BCAR3: variants seen among roughly 807,000 people sequenced by gnomAD.
BCAR3 encodes the protein BCAR3 adaptor protein, NSP family member.
Under a neutral mutation model 80.1 loss-of-function variants are expected in BCAR3, and 37 were observed. That is an observed-to-expected ratio of 0.46 (90% CI 0.36 to 0.61). BCAR3 has a LOEUF of 0.61. BCAR3 is among the 20% of genes least tolerant of loss of function. BCAR3 has a pLI of 0.00. For synonymous variants in BCAR3, 389 were observed against 418.9 expected (o/e 0.93, Z 0.87); for missense variants, 978 against 1,068.2 (o/e 0.92, Z 1.18).
intron 2 of BCAR3, among the ~76,000 whole-genome samples, chr1:93,790,259 A>T (rs978229607): frequency 6.6e-6 from 1 of 152,128 alleles, no homozygotes; most frequent in African/African-American, 2.4e-5. Flanking sequence ...CATATTATAG[A>T]AAAAAACCCT....
At chr1:93,807,476 G>GA (rs1468141575) in intron 2 of BCAR3, among the ~76,000 whole-genome samples, 2 of 152,180 alleles carry the variant, frequency 1.3e-5, no homozygotes, top group Admixed American at 1.3e-4. Flanking sequence ...AATGGCCTGG[G>GA]AAAAAGTTCC....
At position 93,692,961 on chromosome 1, in the gene BCAR3, C is replaced by T. The variant is rs924785711; in HGVS notation, c.-12+13131G>A. Among the ~76,000 whole-genome samples the T allele has an allele frequency of 2.6e-5, 4 of 152,312 alleles. No individual in the cohort carries two copies. The East Asian group carries it at 7.7e-4, about 29-fold the overall frequency. On this transcript the variant is annotated intron_variant, in intron 3 of 13. Transcript: ENST00000370244. The stretch of plus-strand genomic sequence containing the variant: ...GTCAGGAACCACAGTCAAGCCTCTA[C>T]ATACACTTGAATTTTCCCCATGGCA...
intron 2 of BCAR3, among the ~76,000 whole-genome samples, chr1:93,784,745 C>T (rs951541649): frequency 4.6e-5 from 7 of 152,190 alleles, no homozygotes; most frequent in African/African-American, 9.7e-5. Context: ...AAGGACAAAG[C>T]GAGCATTGTG....
chr1:93,592,610 G>A lies in BCAR3; in HGVS notation c.358-217C>T. ...CACCTGCACATGGGGACTATGGTAG[G>A]AGAGTCCACCAAGAGGTTCCTTTTA... On this transcript the variant is annotated intron_variant, in intron 3 of 11. Transcript: ENST00000260502. The surrounding 1 kb of genome is among the most constrained non-coding windows in gnomAD (Gnocchi z 4.8). 2 of 520,366 alleles carry A rather than the reference G, an allele frequency of 3.8e-6. No individual in the cohort carries two copies. The highest frequency in any genetic ancestry group is 6.6e-6 in the Non-Finnish European group (2 of 304,674). The allele number at this position is 520,366 out of a possible 1,614,324, so 32.2% of individuals were successfully genotyped here.
intron 2 of BCAR3, among the ~76,000 whole-genome samples, chr1:93,781,810 G>A (rs991333872): frequency 1.2e-4 from 18 of 152,134 alleles, no homozygotes; most frequent in African/African-American, 3.9e-4. Flanking sequence ...CCTTCTCCCT[G>A]TTCCCCACTT....
chr1:93,572,232 G>A (rs1486650464), intron 8 of BCAR3, among the ~76,000 whole-genome samples: 3 of 152,150 alleles, frequency 2.0e-5, no homozygotes, highest in African/African-American at 4.8e-5. Flanking sequence ...ATCTCTCCTC[G>A]GGGAATCCCA....
rs566863785 is a variant in BCAR3 at position 93,586,548 on chromosome 1, T to C, written c.930-2427A>G. On this transcript the variant is annotated intron_variant, in intron 5 of 11. Coordinates refer to ENST00000260502, the MANE Select transcript of BCAR3 (RefSeq NM_003567.4). The surrounding 1 kb of genome is among the most constrained non-coding windows in gnomAD (Gnocchi z 4.2). ...CTCTTTGATATACTGATTTCCACTC[T>C]TCTGGGTATATACCCAGCAGTGGGA... Among the ~76,000 whole-genome samples the C allele has an allele frequency of 2.0e-5, 3 of 152,338 alleles. No homozygotes were observed. Among genetic ancestry groups the C allele is most frequent in the African/African-American group, 7.2e-5 (3 of 41,586 alleles).
chr1:93,846,666 G>C (rs571853395), intron 1 of BCAR3, among the ~76,000 whole-genome samples: 2 of 152,100 alleles, frequency 1.3e-5, no homozygotes, highest in Admixed American at 1.3e-4. Context: ...CCGACCACAT[G>C]CACCCGCATA....
At position 93,630,192 on chromosome 1, in the gene BCAR3, A is replaced by C. The variant is rs150581360; in HGVS notation, c.357+12112T>G. Reference sequence around the variant, plus strand: ...ATGCCTGTATCAAAATATCTCATATACACCTACTCTGTACTCACAAAAATT... The same window carrying C: ...ATGCCTGTATCAAAATATCTCATATCCACCTACTCTGTACTCACAAAAATT... On this transcript the variant is annotated intron_variant, in intron 3 of 11. Coordinates refer to ENST00000260502, the MANE Select transcript of BCAR3 (RefSeq NM_003567.4). Among the ~76,000 whole-genome samples the C allele has an allele frequency of 1.9e-3, 296 of 152,338 alleles. 1 individual carries two copies. Among genetic ancestry groups the C allele is most frequent in the African/African-American group, 7.0e-3 (289 of 41,560 alleles).
At chr1:93,661,125 C>T (rs1172270344) in intron 2 of BCAR3, among the ~76,000 whole-genome samples, 1 of 151,804 alleles carries the variant, frequency 6.6e-6, no homozygotes, top group Admixed American at 6.6e-5. Context: ...CCACAACCTC[C>T]GCCTCCCGGG....
At chr1:93,722,449 T>TG (rs1650438353) in intron 2 of BCAR3, among the ~76,000 whole-genome samples, 1 of 152,178 alleles carries the variant, frequency 6.6e-6, no homozygotes, top group Admixed American at 6.5e-5. Context: ...TGGGGTGCCC[T>TG]GGGGATACTA....
intron 2 of BCAR3, among the ~76,000 whole-genome samples, chr1:93,790,652 T>TTG: frequency 1.2e-5 from 1 of 82,892 alleles, no homozygotes; most frequent in Non-Finnish European, 2.0e-5. Flanking sequence ...TTTTTCTTAA[T>TTG]TTTTTTTTTT....
At chr1:93,567,109 G>A (rs912478612) in intron 11 of BCAR3, among the ~76,000 whole-genome samples, 170 bp downstream of exon 11, 1 of 152,180 alleles carries the variant, frequency 6.6e-6, no homozygotes, top group Non-Finnish European at 1.5e-5. Context: ...GGGCACTTGA[G>A]TCATTCTGGA....
chr1:93,588,572 G>A (rs1029473736), intron 5 of BCAR3, among the ~76,000 whole-genome samples: 14 of 152,084 alleles, frequency 9.2e-5, no homozygotes, highest in African/African-American at 3.1e-4. Context: ...CCCTTGCACA[G>A]ACCCTTTGTT....
intron 2 of BCAR3, among the ~76,000 whole-genome samples, chr1:93,731,790 C>T (rs1408145306): frequency 6.6e-6 from 1 of 152,174 alleles, no homozygotes; most frequent in Admixed American, 6.5e-5. Context: ...CCCAAACAGT[C>T]CTTTTCAGGC....
intron 8 of BCAR3, among the ~76,000 whole-genome samples, chr1:93,574,875 C>T (rs900580907): frequency 5.9e-5 from 9 of 152,198 alleles, no homozygotes; most frequent in Non-Finnish European, 1.2e-4. Context: ...CGAACAAAAT[C>T]CGCATGGCCC....
chr1:93,654,146 T>C (rs1647253496), intron 2 of BCAR3, among the ~76,000 whole-genome samples: 1 of 151,970 alleles, frequency 6.6e-6, no homozygotes, highest in African/African-American at 2.4e-5. Context: ...CCCCCAAAAT[T>C]CCTATCCCCT....
chr1:93,649,567 A>G (rs75255032), intron 2 of BCAR3, among the ~76,000 whole-genome samples: 19 of 148,786 alleles, frequency 1.3e-4, no homozygotes, highest in African/African-American at 2.7e-4. Flanking sequence ...TGTAGCTGGG[A>G]AAAAAAAAAG....
rs144084737 is a variant in BCAR3 at position 93,707,973 on chromosome 1, G to A, written c.-62-1831C>T. Among the ~76,000 whole-genome samples the A allele has an allele frequency of 3.1e-3, 479 of 152,238 alleles. 3 individuals carry two copies. Among genetic ancestry groups the A allele is most frequent in the Admixed American group, 8.1e-3 (124 of 15,284 alleles). ...TAAATAGCAGTGTGTAAAAGCAATG[G>A]ATCTGACAGGTTTTGCAAGGTGGTA... On this transcript the variant is annotated intron_variant, in intron 2 of 13. Transcript: ENST00000370244.
Sources: gnomAD v4.1 joint callset for allele counts (sites outside exome capture counted in the v4.1 genomes callset) on GRCh38, gnomAD v4.1.1 for gene constraint, Gnocchi (gnomAD v3.1) non-coding constraint, MANE v1.5 for transcripts, NCBI Gene and HGNC (gene_info 2026-07-23, HGNC 2026-07-21) for gene names.